Variants in C14orf93 observed in about 807,000 individuals in gnomAD.
The protein encoded by C14orf93 is uncharacterized protein C14orf93.
Under a neutral mutation model 44.0 loss-of-function variants are expected in C14orf93, and 23 were observed. The ratio of observed to expected loss-of-function variants is 0.52; its 90% CI spans 0.38 to 0.74. C14orf93 has a LOEUF of 0.74. Ranked by LOEUF, C14orf93 falls within the 30% of genes least tolerant of loss-of-function variation. The pLI, the probability that C14orf93 is intolerant of heterozygous loss-of-function variation, is 0.00. For synonymous variants in C14orf93, 253 were observed against 265.7 expected (o/e 0.95, Z 0.46); for missense variants, 579 against 678.9 (o/e 0.85, Z 1.64).
intron 1 of C14orf93, among the ~76,000 whole-genome samples, chr14:23,009,129 T>A (rs965783186): frequency 6.6e-6 from 1 of 152,214 alleles, no homozygotes; most frequent in Non-Finnish European, 1.5e-5. Context: ...GAACCACAGA[T>A]TCAATAAATT....
rs545851295 is a variant in C14orf93 at position 22,998,464 on chromosome 14, G to C, written c.560C>G (p.Thr187Arg). 2.5e-6 allele frequency: 4 copies of C among 1,602,348 alleles called. No homozygotes were observed. The African/African-American group carries it at 4.0e-5, about 16-fold the overall frequency. Reference sequence around the variant, plus strand: ...GGGGGCCGCCTCGCTGGCAGCCAGCGTGCACCCTGGGAGCCGCATGTCCCT... The same window carrying C: ...GGGGGCCGCCTCGCTGGCAGCCAGCCTGCACCCTGGGAGCCGCATGTCCCT... The part of the protein sequence containing the change: ...TQRDMRLPGC[T>R]LAASEAAPLL... Residue 187 changes from threonine to arginine, a missense_variant, in exon 2 of 7, where the codon ACG (threonine) becomes AGG (arginine). Transcript: ENST00000299088.
intron 1 of C14orf93, among the ~76,000 whole-genome samples, chr14:23,002,451 CAA>C (rs397709228): frequency 2.1e-4 from 19 of 89,040 alleles, no homozygotes; most frequent in African/African-American, 4.2e-4. Flanking sequence ...GACTCCATCT[CAA>C]AAAAAAAAAA....
At position 23,001,339 on chromosome 14, in the gene C14orf93, T is replaced by C. The variant is rs556187665; in HGVS notation, c.-379-1937A>G. 3.9e-5 allele frequency among the ~76,000 whole-genome samples: 6 copies of C among 152,374 alleles called. No individual in the cohort carries two copies. In the South Asian group the frequency reaches 1.0e-3, roughly 26 times the overall value. On this transcript the variant is annotated intron_variant, in intron 1 of 6. Transcript: ENST00000299088. ...ATTAAGATGCATCCGGCTGGGACAC[T>C]GGCTGAGTTGTCTAACTCCTTTCTG...
intron 1 of C14orf93, among the ~76,000 whole-genome samples, chr14:23,008,141 C>T (rs541627435): frequency 7.8e-4 from 97 of 124,736 alleles, no homozygotes; most frequent in Non-Finnish European, 1.2e-3. Flanking sequence ...GCAACAAGAG[C>T]GAAACTCCGT....
chr14:22,997,451 G>A (rs1594642342), intron 2 of C14orf93, among the ~76,000 whole-genome samples: 2 of 152,154 alleles, frequency 1.3e-5, no homozygotes, highest in South Asian at 2.1e-4. Flanking sequence ...GAGGACAGAC[G>A]GAGAATAAGG....
At chr14:23,010,045 A>T (rs2046798519) in intron 1 of C14orf93, 56 bp downstream of exon 1, 1 of 152,156 alleles carries the variant, frequency 6.6e-6, no homozygotes, top group Non-Finnish European at 1.5e-5. Flanking sequence ...CTCTATTTTT[A>T]AAAAATTTGA....
intron 1 of C14orf93, chr14:23,005,149 A>T (rs2139791957): frequency 6.6e-6 from 1 of 152,224 alleles, no homozygotes; most frequent in Admixed American, 6.5e-5. Flanking sequence ...AAAAAAAAAA[A>T]TTACAGGACT....
chr14:23,002,244 A>G (rs2046347439), intron 1 of C14orf93, among the ~76,000 whole-genome samples: 1 of 151,698 alleles, frequency 6.6e-6, no homozygotes, highest in Non-Finnish European at 1.5e-5. Flanking sequence ...TGACGTTAGG[A>G]GTTCTAGACC....
In C14orf93 at chr14:22,987,949, C is replaced by T. The variant is rs1435792627; in HGVS notation, c.1151G>A (p.Gly384Asp). 7.4e-6 allele frequency: 12 copies of T among 1,613,910 alleles called. No homozygotes were observed. ...EYRNSLNPFK[G>D]LKEKEEKKLR... ...TTTCTTCTCCTCTTTTTCCTTCAGGCCTTTAAAGGGGTTCAGGGAGTTGCG... is the reference window on the plus strand; with the variant it reads ...TTTCTTCTCCTCTTTTTCCTTCAGGTCTTTAAAGGGGTTCAGGGAGTTGCG... The change falls in exon 6 of 7, where the codon GGC (glycine) becomes GAC (aspartate). Residue 384 changes from glycine to aspartate, a missense_variant. Gly to Asp is a moderately conservative substitution (Grantham distance 94). Transcript: ENST00000299088. The surrounding 1 kb of genome is among the most constrained non-coding windows in gnomAD (Gnocchi z 5.6).
chr14:23,004,180 T>C (rs1225676193), intron 1 of C14orf93, among the ~76,000 whole-genome samples: 1 of 149,354 alleles, frequency 6.7e-6, no homozygotes, highest in South Asian at 2.1e-4. Context: ...AGTGCTGAGA[T>C]TACAGGCGTG....
In C14orf93 at chr14:22,987,086, GT is replaced by G. The variant is rs1396275519; in HGVS notation, c.*128del. ...GTTCTGCTTCCCCAGTAGAGACTGT[GT>G]TAAGAAAAGAGGCAAATTTGCTTTC... On this transcript the variant is annotated 3_prime_UTR_variant, in exon 7 of 7. Coordinates refer to ENST00000299088, the MANE Select transcript of C14orf93 (RefSeq NM_021944.4). The surrounding 1 kb of genome is among the most constrained non-coding windows in gnomAD (Gnocchi z 5.6). 2.0e-6 allele frequency: 2 copies of G among 1,000,134 alleles called. No homozygotes were observed. The highest frequency in any genetic ancestry group is 3.3e-5 in the African/African-American group (2 of 61,012). The allele number at this position is 1,000,134 out of a possible 1,614,324, so 62.0% of individuals were successfully genotyped here. A position where few individuals can be genotyped will look rare whatever the true frequency, so the allele number is the denominator to read the frequency against.
Position 22,998,730 on chromosome 14 carries a change from A to C in C14orf93, c.294T>G (p.Gly98=). 3 of 1,614,094 alleles carry C rather than the reference A, an allele frequency of 1.9e-6. No homozygotes were observed. Among genetic ancestry groups the C allele is most frequent in the Non-Finnish European group, 2.5e-6 (3 of 1,180,022 alleles). Reference sequence around the variant, plus strand: ...TGGACACTTTCCCTTGCCTCAGGTCACCCACTTCCTCCTGGAGACGTTTTA... The same window carrying C: ...TGGACACTTTCCCTTGCCTCAGGTCCCCCACTTCCTCCTGGAGACGTTTTA... ...ELLKRLQEEV[G]DLRQGKVSIP... The change falls in exon 2 of 7, where the codon GGT becomes GGG. Residue 98 remains glycine, a synonymous_variant. Coordinates refer to ENST00000299088, the MANE Select transcript of C14orf93 (RefSeq NM_021944.4).
intron 1 of C14orf93, chr14:23,002,659 ATAT>A (rs2046372635): frequency 6.6e-6 from 1 of 152,036 alleles, no homozygotes; most frequent in Admixed American, 6.6e-5. Flanking sequence ...CGGCTGGATG[ATAT>A]TATGGTTATT....
At chr14:23,008,154 CAAAAAAAAA>C (rs55936083) in intron 1 of C14orf93, among the ~76,000 whole-genome samples, 3,699 of 85,150 alleles carry the variant, frequency 0.043, 180 homozygotes, top group African/African-American at 0.11. Flanking sequence ...AACTCCGTTT[CAAAAAAAAA>C]AAAAAAAAAA....
rs567384777 is a variant in C14orf93, at chr14:23,004,684, T to C, written c.-379-5282A>G. Among the ~76,000 whole-genome samples the C allele has an allele frequency of 2.6e-4, 39 of 152,114 alleles. No homozygotes were observed. The East Asian group carries it at 6.4e-3, about 25-fold the overall frequency. ...CTATAATCTCAGCACTTTGGGAGGCTGAGGCGGGTAGATCACCTGAGGTCA... is the reference window on the plus strand; with the variant it reads ...CTATAATCTCAGCACTTTGGGAGGCCGAGGCGGGTAGATCACCTGAGGTCA... On this transcript the variant is annotated intron_variant, in intron 1 of 6. Transcript: ENST00000299088.
intron 1 of C14orf93, among the ~76,000 whole-genome samples, chr14:23,001,270 A>G (rs1481686700): frequency 3.3e-5 from 5 of 152,242 alleles, no homozygotes; most frequent in Non-Finnish European, 7.3e-5. Context: ...AAATAATAGT[A>G]TTCAAATGCT....
At chr14:22,998,171 T>C (rs2046104332) in intron 2 of C14orf93, 3 of 428,664 alleles carry the variant, frequency 7.0e-6, no homozygotes, top group Middle Eastern at 1.2e-3. Flanking sequence ...GAAGGTGCCA[T>C]GCGGAGCTAC....
chr14:23,006,456 A>C (rs1369534512), intron 1 of C14orf93: 2 of 152,230 alleles, frequency 1.3e-5, no homozygotes, highest in Non-Finnish European at 2.9e-5. Context: ...TAATCTGAAA[A>C]TTCCACGTAT....
At position 22,998,209 on chromosome 14, in the gene C14orf93, C is replaced by T. The variant is rs1371810441; in HGVS notation, c.597+218G>A. The T allele has an allele frequency of 3.9e-5, 24 of 621,120 alleles. No individual in the cohort carries two copies. The Admixed American group carries it at 8.4e-4, about 22-fold the overall frequency. 38.5% of individuals were successfully genotyped at this position (621,120 alleles called of 1,614,324 possible). ...AGAGAGAGGGAAGGGCACCCCATCA[C>T]TACACACAGCAAAAAATGACCTTCT... On this transcript the variant is annotated intron_variant, in intron 2 of 6. Coordinates refer to ENST00000299088, the MANE Select transcript of C14orf93 (RefSeq NM_021944.4).
Sources: allele counts gnomAD v4.1 joint callset (sites outside exome capture counted in the v4.1 genomes callset), GRCh38; gene constraint gnomAD v4.1.1; non-coding constraint Gnocchi (gnomAD v3.1); transcripts MANE v1.5; gene names NCBI Gene and HGNC (gene_info 2026-07-23, HGNC 2026-07-21).